FRMD6: variants seen among roughly 807,000 people sequenced by gnomAD.
FRMD6 encodes the protein FERM domain containing 6.
A neutral mutation model predicts 73.2 loss-of-function variants in FRMD6; 37 were observed. The ratio of observed to expected loss-of-function variants is 0.51; its 90% CI spans 0.39 to 0.66. FRMD6 has a LOEUF of 0.66. FRMD6 is among the 30% of genes least tolerant of loss of function. FRMD6 has a pLI of 0.00. For synonymous variants in FRMD6, 273 were observed against 282.2 expected (o/e 0.97, Z 0.33); for missense variants, 714 against 780.5 (o/e 0.91, Z 1.02).
chr14:51,401,167 A>T, the FRMD6 span, among the ~76,000 whole-genome samples: 11 of 152,248 alleles, frequency 7.2e-5, no homozygotes, highest in African/African-American at 2.4e-4. Flanking sequence ...ATTTTTCTGC[A>T]TGTGGTAGGA....
chr14:51,670,281 A>G (rs1449725302), intron 1 of FRMD6, among the ~76,000 whole-genome samples: 2 of 152,090 alleles, frequency 1.3e-5, no homozygotes, highest in Non-Finnish European at 2.9e-5. Flanking sequence ...TGGGGGTCTC[A>G]CTATGTTGCC....
chr14:51,493,484 C>T (rs578207197), intron 1 of FRMD6, among the ~76,000 whole-genome samples: 48 of 152,246 alleles, frequency 3.2e-4, no homozygotes, highest in African/African-American at 1.1e-3. Flanking sequence ...GGGAGTTCCC[C>T]TGCACATGCT....
At chr14:51,460,006 C>T in the FRMD6 span, among the ~76,000 whole-genome samples, 5 of 148,916 alleles carry the variant, frequency 3.4e-5, no homozygotes, top group African/African-American at 7.4e-5. Flanking sequence ...TTACTATTTC[C>T]GTTAATACAA....
At chr14:51,442,475 C>T in the FRMD6 span, among the ~76,000 whole-genome samples, 2 of 152,164 alleles carry the variant, frequency 1.3e-5, no homozygotes, top group Non-Finnish European at 2.9e-5. Context: ...AGAGGGAAGG[C>T]TACTCTTGAG....
intron 1 of FRMD6, among the ~76,000 whole-genome samples, chr14:51,662,387 T>C (rs1357607715): frequency 6.6e-6 from 1 of 151,836 alleles, no homozygotes; most frequent in Non-Finnish European, 1.5e-5. Flanking sequence ...GGCAACATGG[T>C]ACCATCTTCA....
At chr14:51,408,237 G>A in the FRMD6 span, among the ~76,000 whole-genome samples, 25 of 151,420 alleles carry the variant, frequency 1.7e-4, no homozygotes, top group Non-Finnish European at 1.0e-4. Context: ...ACCCACTGCA[G>A]CCTCTACCTC....
chr14:51,710,982 C>T (rs1276568894), intron 7 of FRMD6, among the ~76,000 whole-genome samples: 4 of 152,022 alleles, frequency 2.6e-5, no homozygotes, highest in African/African-American at 7.2e-5. Context: ...CTGAATACAC[C>T]GCTTGTACAG....
intron 5 of FRMD6, 34 bp downstream of exon 5, chr14:51,702,622 T>C (rs779483345): frequency 5.2e-6 from 8 of 1,529,094 alleles, no homozygotes; most frequent in African/African-American, 1.4e-5. Flanking sequence ...AAACGCTTTT[T>C]TTTCCCCCAT....
chr14:51,682,943 A>G (rs538759329), intron 1 of FRMD6, among the ~76,000 whole-genome samples: 7 of 152,280 alleles, frequency 4.6e-5, no homozygotes, highest in African/African-American at 1.2e-4. Flanking sequence ...ACTGTGATCA[A>G]TAGCCCCACT....
the FRMD6 span, among the ~76,000 whole-genome samples, chr14:51,402,729 C>T: frequency 6.6e-6 from 1 of 151,698 alleles, no homozygotes; most frequent in African/African-American, 2.4e-5. Context: ...AGCTCTGCCA[C>T]CCGGGTTCAC....
At chr14:51,594,570 C>T (rs1418525684) in intron 2 of FRMD6, among the ~76,000 whole-genome samples, 2 of 151,940 alleles carry the variant, frequency 1.3e-5, no homozygotes, top group Non-Finnish European at 2.9e-5. Context: ...CTCAAGTGAT[C>T]CACCCGCCTC....
rs1322515108 is a variant in FRMD6, at chr14:51,698,189, C to G, written c.147C>G (p.Leu49=). The G allele has an allele frequency of 6.2e-7, 1 of 1,612,468 alleles. No homozygotes were observed. The highest frequency in any genetic ancestry group is 8.5e-7 in the Non-Finnish European group (1 of 1,179,024). ...TGCTGGTCCAGGTTTGTGACCTGCT[C>G]AGGCTAAAGGACTGCCACCTCTTTG... ...HQLLVQVCDL[L]RLKDCHLFGL... is the part of the protein sequence containing the mutation. The change falls in exon 3 of 14, where the codon CTC becomes CTG. Residue 49 remains leucine (L), a synonymous_variant. Coordinates refer to ENST00000344768, the MANE Select transcript of FRMD6 (RefSeq NM_001267046.2).
chr14:51,662,750 TGAA>T (rs1893310041), intron 1 of FRMD6, among the ~76,000 whole-genome samples: 1 of 152,108 alleles, frequency 6.6e-6, no homozygotes, highest in South Asian at 2.1e-4. Context: ...CATTTACTGA[TGAA>T]GACAGCAAAA....
chr14:51,661,353 GT>G (rs895223192), intron 1 of FRMD6, among the ~76,000 whole-genome samples: 1 of 152,048 alleles, frequency 6.6e-6, no homozygotes, highest in Non-Finnish European at 1.5e-5. Context: ...AATTATGCAC[GT>G]TTTTCCAACA....
intron 1 of FRMD6, among the ~76,000 whole-genome samples, chr14:51,656,024 C>G (rs1026210591): frequency 6.6e-6 from 1 of 152,172 alleles, no homozygotes; most frequent in Non-Finnish European, 1.5e-5. Context: ...TGTCTACTTC[C>G]CATGCTGTGG....
chr14:51,711,862 A>T (rs1896961929), intron 8 of FRMD6, among the ~76,000 whole-genome samples: 1 of 152,246 alleles, frequency 6.6e-6, no homozygotes, highest in South Asian at 2.1e-4. Context: ...TTCATCACTA[A>T]CAGGTCACTA....
chr14:51,541,260 T>C (rs1434889689), intron 1 of FRMD6, among the ~76,000 whole-genome samples: 1 of 152,124 alleles, frequency 6.6e-6, no homozygotes. Context: ...GTCTAGATCA[T>C]TGAACTTGGG....
chr14:51,611,856 A>G (rs1890520456), intron 2 of FRMD6, among the ~76,000 whole-genome samples: 1 of 152,236 alleles, frequency 6.6e-6, no homozygotes. Context: ...TTATGTAGCC[A>G]TGAAACATTA....
chr14:51,614,060 T>C (rs1890617459), intron 2 of FRMD6, among the ~76,000 whole-genome samples: 1 of 152,136 alleles, frequency 6.6e-6, no homozygotes, highest in Admixed American at 6.5e-5. Flanking sequence ...GACCATTACA[T>C]AGGACAGTGC....
Sources: allele counts gnomAD v4.1 joint callset (sites outside exome capture counted in the v4.1 genomes callset), GRCh38; gene constraint gnomAD v4.1.1; transcripts MANE v1.5; gene names NCBI Gene and HGNC (gene_info 2026-07-23, HGNC 2026-07-21).